Variants in PDE7B observed in about 807,000 individuals in gnomAD.
The protein encoded by PDE7B is 3',5'-cyclic-AMP phosphodiesterase 7B.
In PDE7B, 29 loss-of-function variants were observed where a neutral mutation model predicts 56.2. The observed-to-expected ratio is 0.52, with a 90% CI of 0.38 to 0.70. PDE7B has a LOEUF of 0.70. PDE7B is among the 30% of genes least tolerant of loss of function. The pLI is 0.00. For missense variants in PDE7B, 490 were observed against 565.0 expected, an observed-to-expected ratio of 0.87 and a Z score of 1.35; for synonymous variants, 197 against 196.9, an observed-to-expected ratio of 1.00 and a Z score of 0.00.
intron 2 of PDE7B, among the ~76,000 whole-genome samples, chr6:136,078,611 GA>G (rs1405959467): frequency 5.3e-5 from 8 of 151,540 alleles, no homozygotes; most frequent in African/African-American, 1.5e-4. Context: ...TTATGTAAAA[GA>G]GACAAAAGAG....
intron 2 of PDE7B, among the ~76,000 whole-genome samples, chr6:136,106,375 T>C (rs1002838503): frequency 3.3e-5 from 5 of 152,208 alleles, no homozygotes; most frequent in Non-Finnish European, 7.3e-5. Context: ...AAAAACCAGG[T>C]CTACACACTC....
chr6:136,157,857 A>G (rs925288005), intron 8 of PDE7B, among the ~76,000 whole-genome samples: 1 of 152,218 alleles, frequency 6.6e-6, no homozygotes, highest in Non-Finnish European at 1.5e-5. Context: ...CTCCAGAATA[A>G]CTGAAAATGG....
At chr6:136,005,425 A>G (rs1055500691) in intron 2 of PDE7B, among the ~76,000 whole-genome samples, 3 of 151,902 alleles carry the variant, frequency 2.0e-5, no homozygotes, top group East Asian at 1.9e-4. Flanking sequence ...GCAACCTACA[A>G]AATGGGAGAA....
intron 2 of PDE7B, among the ~76,000 whole-genome samples, chr6:135,954,883 C>G (rs1055311082): frequency 2.0e-5 from 3 of 152,092 alleles, no homozygotes; most frequent in African/African-American, 7.2e-5. Flanking sequence ...TCCACAGCAA[C>G]AGAACACCTC....
At chr6:135,935,970 G>A (rs186692797) in intron 1 of PDE7B, among the ~76,000 whole-genome samples, 2 of 152,304 alleles carry the variant, frequency 1.3e-5, no homozygotes, top group African/African-American at 4.8e-5. Flanking sequence ...GACCTCACAA[G>A]TAGTTAAACA....
intron 2 of PDE7B, among the ~76,000 whole-genome samples, chr6:136,060,017 A>G (rs1776811141): frequency 6.6e-6 from 1 of 152,222 alleles, no homozygotes; most frequent in Non-Finnish European, 1.5e-5. Flanking sequence ...CCAGGCATGA[A>G]GAACTAAGTA....
chr6:136,077,921 TCAC>T (rs1777148747), intron 2 of PDE7B, among the ~76,000 whole-genome samples: 1 of 152,160 alleles, frequency 6.6e-6, no homozygotes, highest in Non-Finnish European at 1.5e-5. Context: ...TTCTATGGAG[TCAC>T]CACTGCTGAT....
At chr6:135,872,404 A>G (rs1310301956) in intron 1 of PDE7B, among the ~76,000 whole-genome samples, 1 of 152,182 alleles carries the variant, frequency 6.6e-6, no homozygotes, top group African/African-American at 2.4e-5. Flanking sequence ...TTGTCTTTTT[A>G]AAAATATTTT....
chr6:136,085,958 C>G (rs116771312), intron 2 of PDE7B, among the ~76,000 whole-genome samples: 1 of 152,210 alleles, frequency 6.6e-6, no homozygotes, highest in Non-Finnish European at 1.5e-5. Flanking sequence ...CTTTGGATTA[C>G]TCATCCTTAG....
chr6:136,117,463 T>C lies in PDE7B; in HGVS notation c.166+8649T>C, dbSNP rs79967922. On this transcript the variant is annotated intron_variant, in intron 3 of 12. Transcript: ENST00000308191. The stretch of plus-strand genomic sequence containing the variant: ...AGAACATGGCCCCATCCTTAATATC[T>C]TTTGTATGTTTTCAAACTGAGATCT... Among the ~76,000 whole-genome samples, 157 of 152,294 alleles carry C rather than the reference T, an allele frequency of 1.0e-3. No individual in the cohort carries two copies. In the East Asian group the frequency reaches 0.03, roughly 29 times the overall value.
At chr6:136,023,118 G>T (rs1776100142) in intron 2 of PDE7B, among the ~76,000 whole-genome samples, 1 of 152,156 alleles carries the variant, frequency 6.6e-6, no homozygotes. Flanking sequence ...CAGGCACTGT[G>T]AGACCCCACC....
At chr6:135,933,225 A>G (rs1774325851) in intron 1 of PDE7B, among the ~76,000 whole-genome samples, 1 of 152,236 alleles carries the variant, frequency 6.6e-6, no homozygotes, top group South Asian at 2.1e-4. Context: ...CATATGTCAT[A>G]TGTATCTGTG....
At chr6:135,954,260 G>C (rs1774750964) in intron 2 of PDE7B, among the ~76,000 whole-genome samples, 1 of 152,120 alleles carries the variant, frequency 6.6e-6, no homozygotes, top group Non-Finnish European at 1.5e-5. Flanking sequence ...CCAGCATCTG[G>C]AACATCTAGC....
rs183703031 is a variant in PDE7B, at chr6:135,885,791, A to C, written c.21+33772A>C. ...AAGAAAGAACCTACATACCTTGCAC[A>C]TTGTGATAGCAAGCAATGCTGAGAA... On this transcript the variant is annotated intron_variant, in intron 1 of 12. Transcript: ENST00000308191. Among the ~76,000 whole-genome samples, 15 of 152,336 alleles carry C rather than the reference A, an allele frequency of 9.8e-5. 1 individual carries two copies. In the East Asian group the frequency reaches 2.9e-3, roughly 29 times the overall value.
intron 2 of PDE7B, among the ~76,000 whole-genome samples, chr6:136,021,013 C>A (rs1776061288): frequency 6.6e-6 from 1 of 152,200 alleles, no homozygotes; most frequent in Admixed American, 6.5e-5. Context: ...TTTTCCTTGG[C>A]ACCTACTGTA....
At chr6:136,105,248 C>T (rs1777628456) in intron 2 of PDE7B, among the ~76,000 whole-genome samples, 1 of 152,194 alleles carries the variant, frequency 6.6e-6, no homozygotes, top group Non-Finnish European at 1.5e-5. Flanking sequence ...CACAAATCAT[C>T]ATGACTGTAC....
At chr6:136,001,969 A>G (rs889185569) in intron 2 of PDE7B, among the ~76,000 whole-genome samples, 151 of 152,320 alleles carry the variant, frequency 9.9e-4, no homozygotes, top group African/African-American at 3.5e-3. Context: ...GGTTACCCAC[A>G]AAGGGAAGCC....
At chr6:135,965,256 G>A (rs751200532) in intron 2 of PDE7B, among the ~76,000 whole-genome samples, 31 of 152,138 alleles carry the variant, frequency 2.0e-4, no homozygotes, top group Admixed American at 3.9e-4. Context: ...TGGTAGAGGC[G>A]GAGGTGAGGG....
chr6:135,952,650 T>C (rs1400671556), intron 2 of PDE7B, among the ~76,000 whole-genome samples: 1 of 152,142 alleles, frequency 6.6e-6, no homozygotes, highest in East Asian at 1.9e-4. Context: ...TGAAGACTCA[T>C]CTATCTAGAT....
Sources: gnomAD v4.1 joint callset for allele counts (sites outside exome capture counted in the v4.1 genomes callset) on GRCh38, gnomAD v4.1.1 for gene constraint, MANE v1.5 for transcripts, NCBI Gene and HGNC (gene_info 2026-07-23, HGNC 2026-07-21) for gene names.